The following ADARB2 variants were observed in gnomAD, a reference collection of about 807,000 sequenced individuals.
ADARB2 encodes adenosine deaminase RNA specific B2 (inactive).
Under a neutral mutation model 62.2 loss-of-function variants are expected in ADARB2, and 25 were observed. The observed-to-expected ratio is 0.40, with a 90% CI of 0.29 to 0.56. ADARB2 has a LOEUF of 0.56. Ranked by LOEUF, ADARB2 falls within the 20% of genes least tolerant of loss-of-function variation. The pLI, the probability that ADARB2 is intolerant of heterozygous loss-of-function variation, is 0.43. For missense variants in ADARB2, 1,071 were observed against 1,077.4 expected, an observed-to-expected ratio of 0.99 and a Z score of 0.08; for synonymous variants, 572 against 500.8, an observed-to-expected ratio of 1.14 and a Z score of -1.90.
At chr10:1,732,682 C>T (rs952689188) in intron 1 of ADARB2, among the ~76,000 whole-genome samples, 2 of 152,214 alleles carry the variant, frequency 1.3e-5, no homozygotes, top group Non-Finnish European at 2.9e-5. Context: ...CTCCGGCCGG[C>T]GGTGCAGGAC....
At chr10:1,506,493 AGTTTCAGCGACAGCCTGTCT>A (rs1564311312) in intron 1 of ADARB2, among the ~76,000 whole-genome samples, 8 of 152,182 alleles carry the variant, frequency 5.3e-5, no homozygotes, top group African/African-American at 1.9e-4. Flanking sequence ...CTTTTCTGTT[AGTTTCAGCGACAGCCTGTCT>A]AGGCATGCCC....
At chr10:1,654,853 C>A (rs965154176) in intron 1 of ADARB2, among the ~76,000 whole-genome samples, 1 of 152,240 alleles carries the variant, frequency 6.6e-6, no homozygotes, top group Non-Finnish European at 1.5e-5. Flanking sequence ...TTCCCAGCCA[C>A]ACGCCAGGCC....
intron 1 of ADARB2, among the ~76,000 whole-genome samples, chr10:1,559,914 G>A (rs953038358): frequency 6.6e-6 from 1 of 152,190 alleles, no homozygotes; most frequent in African/African-American, 2.4e-5. Context: ...CCTCACCCTC[G>A]GGGGAGCAGC....
chr10:1,599,686 T>G (rs529954796), intron 1 of ADARB2, among the ~76,000 whole-genome samples: 1 of 152,296 alleles, frequency 6.6e-6, no homozygotes, highest in East Asian at 1.9e-4. Context: ...AGGAAAAAAT[T>G]CGCACCTGGC....
chr10:1,228,501 T>C (rs1186410947), intron 6 of ADARB2, among the ~76,000 whole-genome samples: 1 of 152,216 alleles, frequency 6.6e-6, no homozygotes, highest in Non-Finnish European at 1.5e-5. Flanking sequence ...ACAGCAGTCA[T>C]TGGAACCCTG....
intron 1 of ADARB2, among the ~76,000 whole-genome samples, chr10:1,709,081 A>G (rs1267210038): frequency 6.6e-6 from 1 of 152,218 alleles, no homozygotes; most frequent in Non-Finnish European, 1.5e-5. Flanking sequence ...GATCTAAACT[A>G]AGAATGACTG....
intron 1 of ADARB2, among the ~76,000 whole-genome samples, chr10:1,517,522 G>A (rs1175962986): frequency 1.4e-4 from 22 of 152,092 alleles, no homozygotes; most frequent in Admixed American, 1.4e-3. Context: ...GCTCTCTTTC[G>A]TATATTGGAA....
At chr10:1,538,183 G>A (rs1832357903) in intron 1 of ADARB2, among the ~76,000 whole-genome samples, 2 of 152,264 alleles carry the variant, frequency 1.3e-5, no homozygotes, top group East Asian at 1.9e-4. Flanking sequence ...GGCCAATGCC[G>A]TGTTCTTGCA....
intron 1 of ADARB2, among the ~76,000 whole-genome samples, chr10:1,672,556 C>T (rs1834401231): frequency 1.3e-5 from 2 of 152,170 alleles, no homozygotes; most frequent in East Asian, 1.9e-4. Flanking sequence ...TCGCGCAGCT[C>T]CTGCCTCCCC....
chr10:1,460,671 G>A (rs1353871978), intron 1 of ADARB2, among the ~76,000 whole-genome samples: 7 of 127,378 alleles, frequency 5.5e-5, no homozygotes, highest in African/African-American at 2.3e-4. Flanking sequence ...GAACCTGCCT[G>A]TGACCTGAGT....
At chr10:1,340,096 C>G (rs866151957) in intron 3 of ADARB2, among the ~76,000 whole-genome samples, 1 of 151,096 alleles carries the variant, frequency 6.6e-6, no homozygotes, top group Non-Finnish European at 1.5e-5. Flanking sequence ...TGCCCCACAG[C>G]GGCAATAACC....
chr10:1,302,220 C>G (rs572089475), intron 3 of ADARB2, among the ~76,000 whole-genome samples: 1 of 152,076 alleles, frequency 6.6e-6, no homozygotes, highest in African/African-American at 2.4e-5. Flanking sequence ...ACTTGGGAAG[C>G]GCAAGGGGTC....
chr10:1,310,158 G>T (rs1032754155), intron 3 of ADARB2, among the ~76,000 whole-genome samples: 4 of 152,140 alleles, frequency 2.6e-5, no homozygotes, highest in African/African-American at 9.7e-5. Context: ...GGCCTATTTT[G>T]GACCGAGCAC....
chr10:1,564,043 G>C (rs1832825611), intron 1 of ADARB2, among the ~76,000 whole-genome samples: 1 of 151,126 alleles, frequency 6.6e-6, no homozygotes, highest in African/African-American at 2.4e-5. Flanking sequence ...TTGGACATTT[G>C]GGTTGGTTCC....
chr10:1,509,233 T>C (rs1157593127), intron 1 of ADARB2, among the ~76,000 whole-genome samples: 1 of 152,196 alleles, frequency 6.6e-6, no homozygotes, highest in African/African-American at 2.4e-5. Flanking sequence ...AGTAAACACG[T>C]TCCATCAGGG....
At chr10:1,392,276 G>A (rs1219961696) in intron 1 of ADARB2, among the ~76,000 whole-genome samples, 1 of 152,088 alleles carries the variant, frequency 6.6e-6, no homozygotes, top group African/African-American at 2.4e-5. Context: ...CCGGGATTGG[G>A]GCTGACAGTT....
intron 1 of ADARB2, among the ~76,000 whole-genome samples, chr10:1,468,094 G>A (rs1334855718): frequency 6.6e-6 from 1 of 152,194 alleles, no homozygotes; most frequent in Admixed American, 6.5e-5. Flanking sequence ...ATATGACATT[G>A]TCAGGATCAA....
intron 1 of ADARB2, among the ~76,000 whole-genome samples, chr10:1,659,308 T>C (rs1395044276): frequency 6.6e-6 from 1 of 152,224 alleles, no homozygotes; most frequent in African/African-American, 2.4e-5. Context: ...TGGGAGTCCT[T>C]CCTGGCCTGC....
At chr10:1,580,261 C>G (rs543571366) in intron 1 of ADARB2, among the ~76,000 whole-genome samples, 19 of 152,082 alleles carry the variant, frequency 1.2e-4, no homozygotes, top group Non-Finnish European at 2.6e-4. Flanking sequence ...CAATCCTTGC[C>G]CTCCTCCTGC....
Sources: gnomAD v4.1 joint callset for allele counts (sites outside exome capture counted in the v4.1 genomes callset) on GRCh38, gnomAD v4.1.1 for gene constraint, MANE v1.5 for transcripts, NCBI Gene and HGNC (gene_info 2026-07-23, HGNC 2026-07-21) for gene names.